The following DRC8 variants were observed in gnomAD, a reference collection of about 807,000 sequenced individuals.
The protein encoded by DRC8 is dynein regulatory complex subunit 8, also known as dynein regulatory complex protein 8.
the DRC8 span, among the ~76,000 whole-genome samples, chr1:245,088,058 A>T: frequency 6.6e-6 from 1 of 152,224 alleles, no homozygotes; most frequent in Non-Finnish European, 1.5e-5. This position sits in a 1 kb window ranked among gnomAD's most constrained non-coding sequence, Gnocchi z 4.6. Flanking sequence ...CATATCTGTC[A>T]TGGGAGCATT....
chr1:244,969,955 C>T, the DRC8 span: 1 of 510,208 alleles, frequency 2.0e-6, no homozygotes, highest in Non-Finnish European at 3.4e-6. Context: ...AGCTCTTCAC[C>T]TAGCTCTCCG....
the DRC8 span, among the ~76,000 whole-genome samples, chr1:245,033,712 C>T: frequency 6.6e-6 from 1 of 151,740 alleles, no homozygotes; most frequent in South Asian, 2.1e-4. Flanking sequence ...CTCTTCCTTT[C>T]CTTTCCTTTC....
chr1:245,071,853 T>C, the DRC8 span, among the ~76,000 whole-genome samples: 1 of 152,234 alleles, frequency 6.6e-6, no homozygotes, highest in Non-Finnish European at 1.5e-5. Context: ...TTGGTCTGTC[T>C]GTGGAATGGA....
the DRC8 span, chr1:245,059,548 A>C: frequency 2.7e-6 from 3 of 1,119,426 alleles, no homozygotes; most frequent in Non-Finnish European, 3.9e-6. Context: ...GAAACTAAAA[A>C]AAAGTGCCCC....
the DRC8 span, chr1:245,087,271 G>A: frequency 1.2e-6 from 2 of 1,610,640 alleles, no homozygotes; most frequent in African/African-American, 1.3e-5. Context: ...AGAGGAAATG[G>A]AAGAAATGTT....
At chr1:245,115,312 T>A in the DRC8 span, among the ~76,000 whole-genome samples, 1 of 152,188 alleles carries the variant, frequency 6.6e-6, no homozygotes, top group Admixed American at 6.5e-5. Flanking sequence ...CCTCCCAAAG[T>A]GTTGGGATTA....
At chr1:245,047,227 C>A in the DRC8 span, among the ~76,000 whole-genome samples, 1 of 152,234 alleles carries the variant, frequency 6.6e-6, no homozygotes, top group South Asian at 2.1e-4. Flanking sequence ...TAACAGCCTG[C>A]TGTGGACTGA....
chr1:245,081,430 G>A, the DRC8 span, among the ~76,000 whole-genome samples: 3 of 151,722 alleles, frequency 2.0e-5, no homozygotes, highest in Admixed American at 2.0e-4. Flanking sequence ...CAAAGTTCTG[G>A]GATTACAGGC....
At chr1:244,980,020 C>T in the DRC8 span, among the ~76,000 whole-genome samples, 8 of 122,846 alleles carry the variant, frequency 6.5e-5, no homozygotes, top group African/African-American at 1.9e-4. Context: ...CTGGCTAACA[C>T]GGTGAAACCC....
the DRC8 span, among the ~76,000 whole-genome samples, chr1:245,000,667 G>C: frequency 1.3e-5 from 2 of 151,986 alleles, no homozygotes; most frequent in East Asian, 1.9e-4. Flanking sequence ...TATAGTCCCA[G>C]CTACTCTGGA....
chr1:245,014,454 G>A, the DRC8 span, among the ~76,000 whole-genome samples: 1 of 152,096 alleles, frequency 6.6e-6, no homozygotes, highest in East Asian at 1.9e-4. Context: ...TTTATTTGTT[G>A]TTAAATTAGC....
At chr1:244,998,738 C>T in the DRC8 span, among the ~76,000 whole-genome samples, 13,845 of 152,068 alleles carry the variant, frequency 0.091, 822 homozygotes, top group African/African-American at 0.16. Flanking sequence ...CAGCATATAC[C>T]CCAGCTAATG....
chr1:244,970,518 T>G, the DRC8 span: 2 of 1,498,140 alleles, frequency 1.3e-6, no homozygotes, highest in Non-Finnish European at 8.8e-7. Context: ...AAGCGCCGGG[T>G]GGGGTGGGCC....
the DRC8 span, among the ~76,000 whole-genome samples, chr1:245,057,652 T>C: frequency 6.6e-6 from 1 of 151,788 alleles, no homozygotes; most frequent in Non-Finnish European, 1.5e-5. Flanking sequence ...TTTTTTTTTT[T>C]GGTAATTAAA....
chr1:245,122,015 C>T, the DRC8 span: 27 of 366,054 alleles, frequency 7.4e-5, no homozygotes, highest in Admixed American at 1.8e-4. Flanking sequence ...TCTCCTGCCT[C>T]AGCCTCCTGA....
the DRC8 span, among the ~76,000 whole-genome samples, chr1:245,057,863 A>G: frequency 1.3e-5 from 2 of 152,112 alleles, no homozygotes; most frequent in Non-Finnish European, 2.9e-5. Context: ...TTCCTACTGT[A>G]CTATCAAATA....
chr1:245,113,822 C>A, the DRC8 span, among the ~76,000 whole-genome samples: 1 of 151,592 alleles, frequency 6.6e-6, no homozygotes. Context: ...GCTCTTGTCC[C>A]CAGTTTAGTT....
the DRC8 span, among the ~76,000 whole-genome samples, chr1:245,067,728 ACTCTATCATTGAG>A: frequency 6.6e-6 from 1 of 151,952 alleles, no homozygotes; most frequent in South Asian, 2.1e-4. Context: ...CTGTGCCTGG[ACTCTATCATTGAG>A]CTTCTGGAAG....
At chr1:245,010,246 A>G in the DRC8 span, among the ~76,000 whole-genome samples, 4 of 152,218 alleles carry the variant, frequency 2.6e-5, no homozygotes, top group Admixed American at 6.5e-5. Flanking sequence ...GAAGTAGCCC[A>G]TAGTATGTGA....
Sources: allele counts gnomAD v4.1 joint callset (sites outside exome capture counted in the v4.1 genomes callset), GRCh38; gene constraint gnomAD v4.1.1; non-coding constraint Gnocchi (gnomAD v3.1); transcripts MANE v1.5; gene names NCBI Gene and HGNC (gene_info 2026-07-23, HGNC 2026-07-21).